The following FKBP11 variants were observed in gnomAD, a reference collection of about 807,000 sequenced individuals.
FKBP11 encodes the protein FKBP prolyl isomerase 11, also known as peptidyl-prolyl cis-trans isomerase FKBP11.
FKBP11 carries 21 observed loss-of-function variants against 24.7 expected under a neutral mutation model. The observed-to-expected ratio is 0.85, with a 90% CI of 0.60 to 1.23. The LOEUF is 1.23. Ranked by LOEUF, FKBP11 falls within the 50% of genes most tolerant of loss-of-function variation. The pLI, the probability that FKBP11 is intolerant of heterozygous loss-of-function variation, is 0.00. For synonymous variants in FKBP11, 106 were observed against 100.6 expected (o/e 1.05, Z -0.32); for missense variants, 245 against 248.7 (o/e 0.99, Z 0.10).
chr12:48,922,490 T>G, intron 5 of FKBP11: 1 of 980,596 alleles, frequency 1.0e-6, no homozygotes, highest in Non-Finnish European at 1.3e-6. Context: ...CTTCTCCATT[T>G]GTAAGTGGGA....
upstream of FKBP11, among the ~76,000 whole-genome samples, chr12:48,928,528 G>A (rs939923861): frequency 6.6e-6 from 1 of 152,076 alleles, no homozygotes; most frequent in Non-Finnish European, 1.5e-5. Context: ...TGCCCAGGCT[G>A]GAGTGTAATG....
upstream of FKBP11, among the ~76,000 whole-genome samples, chr12:48,931,108 G>A (rs193099619): frequency 8.2e-6 from 1 of 122,600 alleles, no homozygotes; most frequent in East Asian, 2.6e-4. Context: ...CAGCCTGGGC[G>A]ACAGAGCGAG....
At chr12:48,932,259 ATATTTTTTTTTTTTTTTTTT>A in the FKBP11 span, among the ~76,000 whole-genome samples, 3 of 28,796 alleles carry the variant, frequency 1.0e-4, no homozygotes, top group Non-Finnish European at 1.9e-4. Context: ...ATATATATAT[ATATTTTTTTTTTTTTTTTTT>A]TTTTTTTTTT....
chr12:48,938,995 C>T, the FKBP11 span: 1 of 1,613,168 alleles, frequency 6.2e-7, no homozygotes, highest in Non-Finnish European at 8.5e-7. Flanking sequence ...GGCCTTCGTA[C>T]AGCCCGTCCC....
At position 48,925,375 on chromosome 12, in the gene FKBP11, G is replaced by A. The variant is rs918930828; in HGVS notation, c.54C>T (p.Leu18=). Residue 18 remains leucine (L), a synonymous_variant, in exon 1 of 6, where the codon CTC becomes CTT. Transcript: ENST00000550765. ...LPLHLLLLLL[L]SAAVCRAEAG... ...CCTCAGCCCGGCACACCGCCGCACT[G>A]AGCAGCAGCAGCAGCAGCAGATGGA... is the stretch of plus-strand genomic sequence containing the variant. 4.4e-6 allele frequency: 7 copies of A among 1,601,568 alleles called. No homozygotes were observed. In the African/African-American group the frequency reaches 8.0e-5, roughly 18 times the overall value.
chr12:48,925,084 G>A lies in FKBP11; in HGVS notation c.157C>T (p.Pro53Ser). 2.5e-6 allele frequency: 4 copies of A among 1,613,886 alleles called. No individual in the cohort carries two copies. Among genetic ancestry groups the A allele is most frequent in the Non-Finnish European group, 3.4e-6 (4 of 1,179,954 alleles). The stretch of plus-strand genomic sequence containing the variant: ...TGAAGCGTGTCTCCAAAAGCAGCGG[G>A]CTCGGCACATGGTTCTGGGGGCTCC... Reference protein sequence around the residue: ...LVEPPEPCAEPAAFGDTLHIH... With the variant: ...LVEPPEPCAESAAFGDTLHIH... The change falls in exon 2 of 6, where the codon CCC becomes TCC. Residue 53 changes from proline (P) to serine (S), a missense_variant. Transcript: ENST00000550765.
At chr12:48,930,639 C>T (rs1940035828), upstream of FKBP11, among the ~76,000 whole-genome samples, 1 of 152,066 alleles carries the variant, frequency 6.6e-6, no homozygotes, top group Non-Finnish European at 1.5e-5. Flanking sequence ...TATAAAAGTC[C>T]TTGTAGTTGC....
chr12:48,931,555 C>G, the FKBP11 span: 1 of 1,204,560 alleles, frequency 8.3e-7, no homozygotes, highest in South Asian at 1.3e-5. Context: ...GCTGGAGATA[C>G]AACTTAATCA....
intron 2 of FKBP11, 41 bp downstream of exon 2, chr12:48,925,005 G>GCCCCCACCCCCGCCCCCCCCCC: frequency 6.4e-7 from 1 of 1,573,326 alleles, no homozygotes; most frequent in East Asian, 2.3e-5. Context: ...GCAGGGCGCC[G>GCCCCCACCCCCGCCCCCCCCCC]CCCCCTCCCA....
the FKBP11 span, among the ~76,000 whole-genome samples, chr12:48,932,168 AAT>A: frequency 4.6e-4 from 57 of 124,010 alleles, no homozygotes; most frequent in South Asian, 2.2e-3. Flanking sequence ...TAAAAGTAAA[AAT>A]ATATATATAT....
chr12:48,936,302 TAC>T, the FKBP11 span: 2 of 152,608 alleles, frequency 1.3e-5, no homozygotes, highest in Non-Finnish European at 2.9e-5. Flanking sequence ...ATTAAACATA[TAC>T]AGTCTACATT....
chr12:48,923,992 T>C, intron 4 of FKBP11, 140 bp from the exon 5 acceptor site: 1 of 955,634 alleles, frequency 1.0e-6, no homozygotes, highest in Middle Eastern at 2.1e-4. Context: ...CCAAACAGGC[T>C]GGCCAGCAAA....
At chr12:48,932,249 ATATATATATATATTTTTTTTTTTTTTTTT>A in the FKBP11 span, among the ~76,000 whole-genome samples, 1 of 36,914 alleles carries the variant, frequency 2.7e-5, no homozygotes, top group South Asian at 1.3e-3. Flanking sequence ...ATATATATAT[ATATATATATATATTTTTTTTTTTTTTTTT>A]TTTTTTTTTT....
chr12:48,924,632 C>T lies in FKBP11; in HGVS notation c.212G>A (p.Gly71Glu), dbSNP rs763659306. 3.1e-6 allele frequency: 5 copies of T among 1,614,040 alleles called. No individual in the cohort carries two copies. The highest frequency in any genetic ancestry group is 1.3e-5 in the African/African-American group (1 of 75,024). Residue 71 changes from glycine (G) to glutamate (E), a missense_variant, in exon 3 of 6, where the codon GGA becomes GAA. Transcript: ENST00000550765. Reference protein sequence around the residue: ...HIHYTGSLVDGRIIDTSLTRD... With the variant: ...HIHYTGSLVDERIIDTSLTRD... ...GGTCAGGGAGGTGTCAATAATACGT[C>T]CATCTACCAAGCTTCCCTGGGGGGA...
At chr12:48,922,443 G>T in intron 5 of FKBP11, 2 of 827,874 alleles carry the variant, frequency 2.4e-6, no homozygotes, top group Non-Finnish European at 3.3e-6. Context: ...GTCTTTGAAT[G>T]CAGGAAAACT....
At chr12:48,925,188 A>C (rs767816046) in intron 1 of FKBP11, 77 bp from the exon 2 acceptor site, 82 of 1,588,496 alleles carry the variant, frequency 5.2e-5, no homozygotes, top group South Asian at 4.1e-4. Context: ...ACCACCCCCA[A>C]CTCAGTTCCC....
chr12:48,922,685 A>G, intron 5 of FKBP11: 2 of 993,866 alleles, frequency 2.0e-6, no homozygotes, highest in Non-Finnish European at 2.4e-6. Context: ...AAGAAGGATG[A>G]GGATGCTGCT....
upstream of FKBP11, chr12:48,931,361 T>G: frequency 6.9e-7 from 1 of 1,454,248 alleles, no homozygotes; most frequent in Non-Finnish European, 9.3e-7. Flanking sequence ...TAGGAGAAGG[T>G]GGTAGTAGAA....
At chr12:48,933,951 C>G in the FKBP11 span, among the ~76,000 whole-genome samples, 12 of 152,082 alleles carry the variant, frequency 7.9e-5, no homozygotes, top group South Asian at 2.1e-4. Context: ...AGGGGTGTCC[C>G]CCAACTCTCA....
Sources: gnomAD v4.1 joint callset for allele counts (sites outside exome capture counted in the v4.1 genomes callset) on GRCh38, gnomAD v4.1.1 for gene constraint, MANE v1.5 for transcripts, NCBI Gene and HGNC (gene_info 2026-07-23, HGNC 2026-07-21) for gene names.